AKAP11: variants seen among roughly 807,000 people sequenced by gnomAD.
The protein encoded by AKAP11 is A-kinase anchor protein 11.
Under a neutral mutation model 146.1 loss-of-function variants are expected in AKAP11, and 36 were observed. The observed-to-expected ratio is 0.25, with a 90% CI of 0.19 to 0.33. The LOEUF (loss-of-function observed/expected upper bound fraction) is 0.33, where lower values mean the gene tolerates loss of function less well. Ranked by LOEUF, AKAP11 falls within the 10% of genes least tolerant of loss-of-function variation. The pLI is 1.00. For synonymous variants in AKAP11, 780 were observed against 786.5 expected (o/e 0.99, Z 0.14); for missense variants, 2,201 against 2,197.0 (o/e 1.00, Z -0.04).
chr13:42,276,643 ATTTTC>A (rs367889467), intron 1 of AKAP11, among the ~76,000 whole-genome samples: 22 of 152,244 alleles, frequency 1.4e-4, no homozygotes, highest in African/African-American at 5.3e-4. Flanking sequence ...AAAGAAAAAA[ATTTTC>A]TTTCAGCATC....
intron 1 of AKAP11, among the ~76,000 whole-genome samples, chr13:42,272,450 G>C (rs904378127): frequency 6.6e-6 from 1 of 152,198 alleles, no homozygotes; most frequent in Non-Finnish European, 1.5e-5. Flanking sequence ...TCACCGCACC[G>C]GGCCCAGAGT....
At chr13:42,289,312 T>A (rs1362135893) in intron 3 of AKAP11, among the ~76,000 whole-genome samples, 1 of 152,168 alleles carries the variant, frequency 6.6e-6, no homozygotes, top group Non-Finnish European at 1.5e-5. Flanking sequence ...GCCCTTTAAT[T>A]ACCAGTTTTC....
rs751501682 is a variant in AKAP11 at position 42,298,929 on chromosome 13, C to G, written c.616+132C>G. On this transcript the variant is annotated intron_variant, in intron 7 of 12. Coordinates refer to ENST00000025301, the MANE Select transcript of AKAP11 (RefSeq NM_016248.4). ...CAATTTAAACCTTTTAACTTTTTTT[C>G]TGATTACCTAAGGAAATTCCTTATG... The G allele has an allele frequency of 2.2e-5, 20 of 912,534 alleles. No homozygotes were observed. The South Asian group carries it at 4.0e-4, about 18-fold the overall frequency. 56.5% of individuals were successfully genotyped at this position (912,534 alleles called of 1,614,324 possible).
chr13:42,275,704 A>G (rs542500170), intron 1 of AKAP11, among the ~76,000 whole-genome samples: 1 of 152,298 alleles, frequency 6.6e-6, no homozygotes, highest in African/African-American at 2.4e-5. Context: ...GTTCAGGCAA[A>G]TTACTGAAAT....
chr13:42,303,198 A>C lies in AKAP11; in HGVS notation c.4452A>C (p.Leu1484Phe). 2 of 1,614,184 alleles carry C rather than the reference A, an allele frequency of 1.2e-6. No individual in the cohort carries two copies. Among genetic ancestry groups the C allele is most frequent in the Non-Finnish European group, 1.7e-6 (2 of 1,180,040 alleles). ...CTCTAGTTGGCCTACCAAAATCCTT[A>C]ACAGATTCTTGCTTGTTTGAAAAAT... is the stretch of plus-strand genomic sequence containing the variant. ...TASLVGLPKS[L>F]TDSCLFEKSG... is the part of the protein sequence containing the mutation. Residue 1484 changes from leucine to phenylalanine, a missense_variant, in exon 8 of 13, where the codon TTA becomes TTC. Around this residue, in one of 3 missense-constraint regions of AKAP11, gnomAD observed 1,867 missense variants for 1,833.5 expected, o/e 1.02. Coordinates refer to ENST00000025301, the MANE Select transcript of AKAP11 (RefSeq NM_016248.4).
In AKAP11 at chr13:42,302,516, G is replaced by T; in HGVS notation, c.3770G>T (p.Cys1257Phe). The change falls in exon 8 of 13, where the codon TGC (cysteine) becomes TTC (phenylalanine). Residue 1257 changes from cysteine (C) to phenylalanine (F), a missense_variant. Transcript: ENST00000025301. ...NPSDENLKTL[C>F]NFAGDLAAEV... is the part of the protein sequence containing the mutation. ...TCAGACGAAAATTTGAAAACATTAT[G>T]CAATTTTGCGGGTGATCTGGCAGCA... 1 of 1,614,002 alleles carries T rather than the reference G, an allele frequency of 6.2e-7. No individual in the cohort carries two copies. The highest frequency in any genetic ancestry group is 2.2e-5 in the East Asian group (1 of 44,876).
chr13:42,320,174 A>T lies in AKAP11; in HGVS notation c.*946A>T, dbSNP rs1033706822. On this transcript the variant is annotated 3_prime_UTR_variant, in exon 13 of 13. Transcript: ENST00000025301. ...AAATTGTAAAACATGTTGAAATTTTAAAAATTAATGTTAATATGGAAATGC... is the reference window on the plus strand; with the variant it reads ...AAATTGTAAAACATGTTGAAATTTTTAAAATTAATGTTAATATGGAAATGC... 6.5e-5 allele frequency: 10 copies of T among 152,692 alleles called. No homozygotes were observed. Among genetic ancestry groups the T allele is most frequent in the Non-Finnish European group, 1.0e-4 (7 of 68,032 alleles). 9.5% of individuals were successfully genotyped at this position (152,692 alleles called of 1,614,324 possible).
rs1282701726 is a variant in AKAP11, at chr13:42,319,957, G to T, written c.*729G>T. 1 of 148,500 alleles carries T rather than the reference G, an allele frequency of 6.7e-6. No individual in the cohort carries two copies. The highest frequency in any genetic ancestry group is 1.5e-5 in the Non-Finnish European group (1 of 66,664). 9.2% of individuals were successfully genotyped at this position (148,500 alleles called of 1,614,324 possible). On this transcript the variant is annotated 3_prime_UTR_variant, in exon 13 of 13. Transcript: ENST00000025301. ...TGTGTGTGTGTGTGTGTGTAAGGGA[G>T]TACTTTAACCTTGCCAGTTTGTTCC...
intron 8 of AKAP11, among the ~76,000 whole-genome samples, chr13:42,305,263 A>T (rs1960192322): frequency 6.6e-6 from 1 of 152,198 alleles, no homozygotes; most frequent in African/African-American, 2.4e-5. Context: ...TAAAGCCATG[A>T]CATGGTCTGC....
intron 1 of AKAP11, among the ~76,000 whole-genome samples, chr13:42,272,772 T>C (rs1469320243): frequency 2.6e-5 from 4 of 152,180 alleles, no homozygotes; most frequent in Non-Finnish European, 5.9e-5. Context: ...GTATTGATAT[T>C]TGGATTTGCT....
At position 42,300,106 on chromosome 13, in the gene AKAP11, G is replaced by A; in HGVS notation, c.1360G>A (p.Ala454Thr). 6.2e-7 allele frequency: 1 copy of A among 1,613,942 alleles called. No homozygotes were observed. The highest frequency in any genetic ancestry group is 8.5e-7 in the Non-Finnish European group (1 of 1,179,848). Reference protein sequence around the residue: ...SGLFSPIRSSAFSPLGGCTPA... With the variant: ...SGLFSPIRSSTFSPLGGCTPA... ...TTTATTTAGTCCTATTCGATCCTCT[G>A]CTTTTAGTCCTCTTGGAGGCTGTAC... Residue 454 changes from alanine (A) to threonine (T), a missense_variant, in exon 8 of 13, where the codon GCT becomes ACT. Ala to Thr is a moderately conservative substitution (Grantham distance 58, BLOSUM62 0). This residue lies in a region of AKAP11 where 1,867 missense variants were observed against 1,833.5 expected (regional missense o/e 1.02). Coordinates refer to ENST00000025301, the MANE Select transcript of AKAP11 (RefSeq NM_016248.4).
rs151024491 is a variant in AKAP11, at chr13:42,316,525, G to A, written c.5405-1003G>A. 5.9e-5 allele frequency among the ~76,000 whole-genome samples: 9 copies of A among 152,338 alleles called. No individual in the cohort carries two copies. In the East Asian group the frequency reaches 1.7e-3, roughly 29 times the overall value. ...TCATAAAAAAAGAAAATAAATTTGA[G>A]ATAATCTTGAGACTAGAAGTATACC... On this transcript the variant is annotated intron_variant, in intron 11 of 12. Coordinates refer to ENST00000025301, the MANE Select transcript of AKAP11 (RefSeq NM_016248.4).
intron 4 of AKAP11, among the ~76,000 whole-genome samples, chr13:42,292,787 A>G (rs1334586029): frequency 1.3e-5 from 2 of 152,316 alleles, no homozygotes; most frequent in Non-Finnish European, 2.9e-5. Context: ...GATGATGCCT[A>G]CTATATTCAG....
Position 42,303,693 on chromosome 13 carries a change from G to A in AKAP11, c.4947G>A (p.Val1649=), listed in dbSNP as rs1421190823. The change falls in exon 8 of 13, where the codon GTG becomes GTA. Residue 1649 remains valine, a synonymous_variant. Coordinates refer to ENST00000025301, the MANE Select transcript of AKAP11 (RefSeq NM_016248.4). The stretch of plus-strand genomic sequence containing the variant: ...ATGTTAATCTTGATAAGAAGGCAGT[G>A]CTTGCTGAGAAGATAGTTGCTGAAG... The part of the protein sequence containing the change: ...QIHVNLDKKA[V]LAEKIVAEAI... 1 of 1,614,046 alleles carries A rather than the reference G, an allele frequency of 6.2e-7. No homozygotes were observed. The highest frequency in any genetic ancestry group is 1.1e-5 in the South Asian group (1 of 91,080).
chr13:42,297,220 G>C, intron 6 of AKAP11, 38 bp downstream of exon 6: 1 of 1,360,762 alleles, frequency 7.3e-7, no homozygotes, highest in East Asian at 2.7e-5. Flanking sequence ...GATTTTTAGG[G>C]CAAATTTTAC....
At chr13:42,283,785 T>C in intron 1 of AKAP11, among the ~76,000 whole-genome samples, 1 of 152,222 alleles carries the variant, frequency 6.6e-6, no homozygotes, top group African/African-American at 2.4e-5. Context: ...CCTACTTCCC[T>C]TTTAGGCAAG....
chr13:42,286,454 T>A, intron 3 of AKAP11, 55 bp downstream of exon 3: 1 of 1,405,482 alleles, frequency 7.1e-7, no homozygotes, highest in Non-Finnish European at 9.8e-7. Flanking sequence ...AAATGTTGAT[T>A]TTTTTTTAAG....
At chr13:42,283,933 G>T (rs1959113500) in intron 1 of AKAP11, among the ~76,000 whole-genome samples, 1 of 152,188 alleles carries the variant, frequency 6.6e-6, no homozygotes, top group African/African-American at 2.4e-5. Context: ...CTGGCATCTA[G>T]ATTGCTTCGT....
At chr13:42,275,149 C>G (rs528101885) in intron 1 of AKAP11, among the ~76,000 whole-genome samples, 1 of 152,348 alleles carries the variant, frequency 6.6e-6, no homozygotes, top group South Asian at 2.1e-4. Context: ...AGTTACTCTT[C>G]CAGTTTTTCT....
Sources: gnomAD v4.1 joint callset for allele counts (sites outside exome capture counted in the v4.1 genomes callset) on GRCh38, gnomAD v4.1.1 for gene constraint, gnomAD v4.1.1 regional missense constraint, MANE v1.5 for transcripts, NCBI Gene and HGNC (gene_info 2026-07-23, HGNC 2026-07-21) for gene names.